KCNH1: variants seen among roughly 807,000 people sequenced by gnomAD.
The protein encoded by KCNH1 is voltage-gated delayed rectifier potassium channel KCNH1.
In KCNH1, 27 loss-of-function variants were observed where a neutral mutation model predicts 69.2. The observed-to-expected ratio is 0.39, with a 90% CI of 0.29 to 0.54. KCNH1 has a LOEUF of 0.54. KCNH1 is among the 20% of genes least tolerant of loss of function. The pLI, the probability that KCNH1 is intolerant of heterozygous loss-of-function variation, is 0.68. For synonymous variants in KCNH1, 456 were observed against 487.7 expected, an observed-to-expected ratio of 0.93 and a Z score of 0.86; for missense variants, 798 against 1,261.6, an observed-to-expected ratio of 0.63 and a Z score of 5.57.
chr1:210,876,748 G>C (rs973758920), intron 7 of KCNH1, among the ~76,000 whole-genome samples: 3 of 152,096 alleles, frequency 2.0e-5, no homozygotes, highest in African/African-American at 7.2e-5. Flanking sequence ...ATAAAGCGAT[G>C]AGTAGCACAA....
At chr1:210,716,207 G>C (rs1281054174) in intron 10 of KCNH1, among the ~76,000 whole-genome samples, 1 of 152,082 alleles carries the variant, frequency 6.6e-6, no homozygotes, top group Admixed American at 6.6e-5. Context: ...GCTGAGGCGG[G>C]TGGATCACGA....
intron 9 of KCNH1, among the ~76,000 whole-genome samples, chr1:210,791,305 G>A (rs1407932995): frequency 6.6e-6 from 1 of 152,178 alleles, no homozygotes; most frequent in African/African-American, 2.4e-5. Context: ...GTTTCTCAAA[G>A]TGCAGTCCTC....
At chr1:210,946,334 C>T (rs1687958368) in intron 6 of KCNH1, among the ~76,000 whole-genome samples, 1 of 152,138 alleles carries the variant, frequency 6.6e-6, no homozygotes, top group African/African-American at 2.4e-5. Flanking sequence ...TGTATCCATG[C>T]TGCCTTAGGG....
intron 6 of KCNH1, among the ~76,000 whole-genome samples, chr1:210,936,513 C>T (rs539919561): frequency 2.6e-4 from 40 of 152,320 alleles, no homozygotes; most frequent in African/African-American, 9.4e-4. Flanking sequence ...TTCTCCTCTC[C>T]CTTAACATTC....
intron 7 of KCNH1, among the ~76,000 whole-genome samples, chr1:210,895,186 G>T (rs1310491399): frequency 6.6e-6 from 1 of 150,958 alleles, no homozygotes; most frequent in Admixed American, 6.6e-5. Context: ...AGGCAAGAGG[G>T]TAAATCTGGT....
At chr1:210,987,666 G>A (rs920514867) in intron 6 of KCNH1, among the ~76,000 whole-genome samples, 2 of 152,142 alleles carry the variant, frequency 1.3e-5, no homozygotes, top group Admixed American at 1.3e-4. Flanking sequence ...AGGAGTACCC[G>A]GCCGTGTGAG....
intron 5 of KCNH1, among the ~76,000 whole-genome samples, chr1:211,065,995 G>T (rs1374202992): frequency 1.3e-5 from 2 of 152,054 alleles, no homozygotes; most frequent in Non-Finnish European, 2.9e-5. Context: ...GGAGGTCGAG[G>T]CTCCAGTGAG....
intron 10 of KCNH1, among the ~76,000 whole-genome samples, chr1:210,735,535 A>G (rs1304573972): frequency 6.6e-6 from 1 of 151,598 alleles, no homozygotes; most frequent in African/African-American, 2.4e-5. Flanking sequence ...TGCCTAGCAT[A>G]TAGCCTGTAA....
chr1:210,806,644 T>C (rs971563226), intron 7 of KCNH1, among the ~76,000 whole-genome samples: 1 of 151,038 alleles, frequency 6.6e-6, no homozygotes, highest in Admixed American at 6.6e-5. Context: ...ACTGCATGTA[T>C]TGTTTAATAA....
chr1:210,685,604 G>A (rs1681392096), intron 10 of KCNH1, among the ~76,000 whole-genome samples: 2 of 152,192 alleles, frequency 1.3e-5, no homozygotes, highest in African/African-American at 4.8e-5. Context: ...TAAAAAGTGA[G>A]GAAAATCTCT....
chr1:210,824,159 A>AC (rs10578375), intron 7 of KCNH1, among the ~76,000 whole-genome samples: 34 of 151,486 alleles, frequency 2.2e-4, no homozygotes, highest in African/African-American at 2.9e-4. Flanking sequence ...AGTAAATGTG[A>AC]CCCCCCCTTA....
intron 5 of KCNH1, among the ~76,000 whole-genome samples, chr1:211,046,136 G>A (rs1348792186): frequency 6.6e-6 from 1 of 152,074 alleles, no homozygotes; most frequent in Non-Finnish European, 1.5e-5. Context: ...TAGATATTTA[G>A]GTTTCTTCCA....
chr1:210,737,467 T>C (rs1682907009), intron 10 of KCNH1, among the ~76,000 whole-genome samples: 1 of 152,220 alleles, frequency 6.6e-6, no homozygotes, highest in African/African-American at 2.4e-5. Context: ...CTACTCAGGA[T>C]TCAGACTCTG....
At position 211,044,325 on chromosome 1, in the gene KCNH1, C is replaced by G. The variant is rs142988873; in HGVS notation, c.559-25069G>C. ...ACCAAGTGGAGAACCAAATCAAGAA[C>G]TCAACCCCTTTAACCCCTGGCTTAG... On this transcript the variant is annotated intron_variant, in intron 5 of 10. Coordinates refer to ENST00000271751, the MANE Select transcript of KCNH1 (RefSeq NM_172362.3). Among the ~76,000 whole-genome samples, 30 of 152,184 alleles carry G rather than the reference C, an allele frequency of 2.0e-4. No individual in the cohort carries two copies. In the East Asian group the frequency reaches 5.8e-3, roughly 29 times the overall value.
intron 5 of KCNH1, among the ~76,000 whole-genome samples, chr1:211,079,857 T>C (rs189995498): frequency 2.5e-4 from 38 of 152,266 alleles, no homozygotes; most frequent in Admixed American, 1.0e-3. Context: ...CCACAGCCAA[T>C]ATCATACTGA....
rs575347821 is a variant in KCNH1, at chr1:210,847,784, T to C, written c.1463-43618A>G. On this transcript the variant is annotated intron_variant, in intron 7 of 10. Transcript: ENST00000271751. ...TAAAAATAAAGATATAATTGACATG[T>C]TAAATCTACAGAATAAAAAAGAATA... is the stretch of plus-strand genomic sequence containing the variant. 8.6e-5 allele frequency among the ~76,000 whole-genome samples: 13 copies of C among 151,658 alleles called. No homozygotes were observed. In the South Asian group the frequency reaches 2.7e-3, roughly 32 times the overall value.
chr1:210,793,990 A>T (rs1684259457), intron 9 of KCNH1, among the ~76,000 whole-genome samples: 1 of 152,206 alleles, frequency 6.6e-6, no homozygotes. Flanking sequence ...TGCCTGGCAG[A>T]TAGCAGGTGT....
intron 7 of KCNH1, chr1:210,860,697 T>C (rs1685959178): frequency 2.6e-6 from 2 of 775,182 alleles, no homozygotes; most frequent in Non-Finnish European, 4.7e-6. Context: ...TAGATTTTTC[T>C]TGATTGCTGA....
intron 5 of KCNH1, among the ~76,000 whole-genome samples, chr1:211,033,297 C>T (rs1174992017): frequency 1.3e-5 from 2 of 152,172 alleles, no homozygotes. Flanking sequence ...AATAGGAACA[C>T]TTTTTTACAC....
Sources: gnomAD v4.1 joint callset for allele counts (sites outside exome capture counted in the v4.1 genomes callset) on GRCh38, gnomAD v4.1.1 for gene constraint, MANE v1.5 for transcripts, NCBI Gene and HGNC (gene_info 2026-07-23, HGNC 2026-07-21) for gene names.